The following ZNF385D variants were observed in gnomAD, a reference collection of about 807,000 sequenced individuals.
ZNF385D encodes zinc finger protein 385D.
A neutral mutation model predicts 35.8 loss-of-function variants in ZNF385D; 15 were observed. That is an observed-to-expected ratio of 0.42 (90% CI 0.28 to 0.64). ZNF385D has a LOEUF of 0.64. Ranked by LOEUF, ZNF385D falls within the 30% of genes least tolerant of loss-of-function variation. The pLI, the probability that ZNF385D is intolerant of heterozygous loss-of-function variation, is 0.23. For missense variants in ZNF385D, 474 were observed against 494.6 expected (o/e 0.96, Z 0.39); for synonymous variants, 212 against 186.8 (o/e 1.13, Z -1.10).
intron 2 of ZNF385D, among the ~76,000 whole-genome samples, chr3:22,245,478 CA>C (rs10576851): frequency 0.064 from 7,962 of 124,296 alleles, 230 homozygotes; most frequent in Admixed American, 0.096. Context: ...CAGGATAAGC[CA>C]AAAAAAAAAA....
chr3:21,937,343 C>T (rs1417765992), intron 3 of ZNF385D, among the ~76,000 whole-genome samples: 2 of 152,082 alleles, frequency 1.3e-5, no homozygotes, highest in Non-Finnish European at 2.9e-5. Context: ...TGCCTTTGAC[C>T]TTCGGAGAAC....
chr3:22,199,560 T>C (rs938079279), intron 2 of ZNF385D, among the ~76,000 whole-genome samples: 4 of 152,126 alleles, frequency 2.6e-5, no homozygotes, highest in Non-Finnish European at 5.9e-5. Flanking sequence ...GTCTGTAATG[T>C]ACACTACAGA....
At chr3:22,098,832 T>C (rs1207204932) in intron 3 of ZNF385D, among the ~76,000 whole-genome samples, 1 of 152,020 alleles carries the variant, frequency 6.6e-6, no homozygotes, top group Non-Finnish European at 1.5e-5. Context: ...GTGATACTGA[T>C]AGAGTAGAAA....
At chr3:22,275,178 A>G (rs984985773) in intron 2 of ZNF385D, among the ~76,000 whole-genome samples, 4 of 152,122 alleles carry the variant, frequency 2.6e-5, no homozygotes, top group Non-Finnish European at 5.9e-5. Context: ...ATTGTATTCT[A>G]TTTTCCTTAA....
chr3:21,875,282 G>C (rs1271785323), intron 3 of ZNF385D, among the ~76,000 whole-genome samples: 1 of 151,696 alleles, frequency 6.6e-6, no homozygotes, highest in Admixed American at 6.6e-5. Flanking sequence ...AGAACTTCCA[G>C]TGTTTATTTT....
intron 3 of ZNF385D, among the ~76,000 whole-genome samples, chr3:21,905,347 C>A (rs915841974): frequency 6.6e-6 from 1 of 151,532 alleles, no homozygotes; most frequent in African/African-American, 2.4e-5. Context: ...GAGATAAATA[C>A]TCAGAGATAG....
chr3:21,829,629 G>C (rs1363901104), intron 3 of ZNF385D, among the ~76,000 whole-genome samples: 1 of 144,190 alleles, frequency 6.9e-6, no homozygotes, highest in African/African-American at 2.4e-5. Context: ...ATGGTGAACT[G>C]TAAGGGGTCA....
Position 21,966,362 on chromosome 3 carries a change from C to T in ZNF385D, c.325+202455G>A, listed in dbSNP as rs947223517. 2.0e-5 allele frequency among the ~76,000 whole-genome samples: 3 copies of T among 152,286 alleles called. No homozygotes were observed. In the South Asian group the frequency reaches 6.2e-4, roughly 32 times the overall value. ...TTTTAAAGCTAAGGAACTAACTTCA[C>T]CTTCATTTCCTACCATACCTGAAAG... On this transcript the variant is annotated intron_variant, in intron 3 of 5. Transcript: ENST00000494108.
At chr3:21,694,885 G>A (rs2067417408) in intron 1 of ZNF385D, among the ~76,000 whole-genome samples, 1 of 152,128 alleles carries the variant, frequency 6.6e-6, no homozygotes, top group African/African-American at 2.4e-5. Context: ...AAAAATAGAT[G>A]AAAGGAGATG....
intron 2 of ZNF385D, among the ~76,000 whole-genome samples, chr3:22,202,097 T>C (rs2125244459): frequency 6.6e-6 from 1 of 152,202 alleles, no homozygotes; most frequent in South Asian, 2.1e-4. Flanking sequence ...GTCTGATTAT[T>C]TGCCTTTCTT....
intron 3 of ZNF385D, among the ~76,000 whole-genome samples, chr3:21,872,154 T>A (rs1048530431): frequency 1.3e-5 from 2 of 152,186 alleles, no homozygotes; most frequent in Non-Finnish European, 2.9e-5. Flanking sequence ...TTAGAACAGA[T>A]CATTTATAAG....
rs938756825 is a variant in ZNF385D at position 21,414,921 on chromosome 3, C to T, written c.*6293G>A. 1 of 152,020 alleles carries T rather than the reference C, an allele frequency of 6.6e-6. No homozygotes were observed. The highest frequency in any genetic ancestry group is 6.6e-5 in the Admixed American group (1 of 15,248). The allele number at this position is 152,020 out of a possible 1,614,324, so 9.4% of individuals were successfully genotyped here. ...TTCATCTCTACTAATGTTAGCATAA[C>T]ATCATAAGAGACATAAAGCATCTCA... On this transcript the variant is annotated 3_prime_UTR_variant, in exon 8 of 8. Coordinates refer to ENST00000281523, the MANE Select transcript of ZNF385D (RefSeq NM_024697.3).
intron 3 of ZNF385D, among the ~76,000 whole-genome samples, chr3:22,049,927 T>TA (rs779564058): frequency 2.6e-5 from 4 of 152,226 alleles, no homozygotes; most frequent in Non-Finnish European, 4.4e-5. Flanking sequence ...ATTTTGCATC[T>TA]ATGTTTATCA....
chr3:22,135,290 T>C (rs1704037937), intron 3 of ZNF385D, among the ~76,000 whole-genome samples: 1 of 152,002 alleles, frequency 6.6e-6, no homozygotes, highest in South Asian at 2.1e-4. Flanking sequence ...TCAGCAGATA[T>C]AAGGTCAACA....
intron 4 of ZNF385D, among the ~76,000 whole-genome samples, chr3:21,456,343 C>T (rs1346695532): frequency 6.6e-6 from 1 of 152,148 alleles, no homozygotes; most frequent in African/African-American, 2.4e-5. Context: ...ACCCAAACGT[C>T]CAACAATGAT....
chr3:22,104,213 C>A (rs1025706943), intron 3 of ZNF385D, among the ~76,000 whole-genome samples: 1 of 152,086 alleles, frequency 6.6e-6, no homozygotes, highest in African/African-American at 2.4e-5. Context: ...GCAGGTGCAT[C>A]TGTGAAAACC....
chr3:22,249,955 C>T (rs1322084377), intron 2 of ZNF385D, among the ~76,000 whole-genome samples: 1 of 152,130 alleles, frequency 6.6e-6, no homozygotes, highest in African/African-American at 2.4e-5. Flanking sequence ...CATATTTTCT[C>T]AGGGAGATAT....
chr3:22,053,051 T>A (rs1699353906), intron 3 of ZNF385D, among the ~76,000 whole-genome samples: 1 of 77,508 alleles, frequency 1.3e-5, no homozygotes, highest in African/African-American at 4.9e-5. Context: ...CCGGCTGCTT[T>A]GTTTACCTAA....
chr3:21,709,075 T>G (rs1476868726), intron 1 of ZNF385D, among the ~76,000 whole-genome samples: 1 of 152,194 alleles, frequency 6.6e-6, no homozygotes, highest in Non-Finnish European at 1.5e-5. Flanking sequence ...GGCTCAATAC[T>G]TCCTCTCATA....
Sources: allele counts gnomAD v4.1 joint callset (sites outside exome capture counted in the v4.1 genomes callset), GRCh38; gene constraint gnomAD v4.1.1; transcripts MANE v1.5; gene names NCBI Gene and HGNC (gene_info 2026-07-23, HGNC 2026-07-21).